The following LRRC39 variants were observed in gnomAD, a reference collection of about 807,000 sequenced individuals.
LRRC39 encodes leucine rich repeat containing 39, also known as leucine-rich repeat-containing protein 39.
Under a neutral mutation model 39.7 loss-of-function variants are expected in LRRC39, and 35 were observed. The observed-to-expected ratio is 0.88, with a 90% CI of 0.67 to 1.17. The LOEUF is 1.17. Among genes scored for constraint, LRRC39 ranks in the 50% most tolerant of loss-of-function variants. The probability of loss-of-function intolerance (pLI) is 0.00; values close to 1 mark genes in which losing one functional copy is unlikely to be tolerated. For synonymous variants in LRRC39, 113 were observed against 134.1 expected, an observed-to-expected ratio of 0.84 and a Z score of 1.09; for missense variants, 357 against 385.8, an observed-to-expected ratio of 0.93 and a Z score of 0.62.
intron 2 of LRRC39, among the ~76,000 whole-genome samples, chr1:100,169,185 C>T (rs921746098): frequency 1.3e-5 from 2 of 151,900 alleles, no homozygotes; most frequent in African/African-American, 4.8e-5. Flanking sequence ...TTAAAATAAT[C>T]GTACTGATTT....
At chr1:100,174,396 C>CA (rs1659831010) in intron 1 of LRRC39, among the ~76,000 whole-genome samples, 1 of 151,904 alleles carries the variant, frequency 6.6e-6, no homozygotes, top group African/African-American at 2.4e-5. Flanking sequence ...CTCCTGGGTT[C>CA]AAGCCATCCT....
chr1:100,176,820 AAAGT>A (rs967651328), intron 1 of LRRC39, among the ~76,000 whole-genome samples: 2 of 152,240 alleles, frequency 1.3e-5, no homozygotes, highest in Non-Finnish European at 1.5e-5. Context: ...AATCTATAAA[AAAGT>A]AAGGAAGACT....
At chr1:100,176,035 G>C (rs2045092529) in intron 1 of LRRC39, among the ~76,000 whole-genome samples, 1 of 152,210 alleles carries the variant, frequency 6.6e-6, no homozygotes, top group Non-Finnish European at 1.5e-5. Flanking sequence ...TCAAAGGTAT[G>C]TACCTAGAGG....
At chr1:100,172,377 T>C (rs1242181915) in intron 2 of LRRC39, among the ~76,000 whole-genome samples, 1 of 152,104 alleles carries the variant, frequency 6.6e-6, no homozygotes, top group African/African-American at 2.4e-5. Flanking sequence ...GCAAACCATA[T>C]CTGGCAATAT....
Position 100,168,512 on chromosome 1 carries a change from G to A in LRRC39, c.5C>T (p.Thr2Ile), listed in dbSNP as rs1481725289. The A allele has an allele frequency of 6.2e-7, 1 of 1,607,064 alleles. No homozygotes were observed. Among genetic ancestry groups the A allele is most frequent in the Admixed American group, 1.7e-5 (1 of 58,294 alleles). Residue 2 changes from threonine to isoleucine, a missense_variant, in exon 3 of 10, where the codon ACA becomes ATA. Transcript: ENST00000370137. ...AGCCCCAGTACAAACCACATTTTCT[G>A]TCATGATTTCTCCACATTGTCATAG... M[T>I]ENVVCTGAVN... is the part of the protein sequence containing the mutation.
At chr1:100,158,547 C>T (rs1658640323) in intron 5 of LRRC39, among the ~76,000 whole-genome samples, 180 bp from the exon 6 acceptor site, 1 of 152,130 alleles carries the variant, frequency 6.6e-6, no homozygotes, top group South Asian at 2.1e-4. Flanking sequence ...ACGCCATTTT[C>T]CTGCCTCAGC....
In LRRC39 at chr1:100,148,600, T is replaced by A. The variant is rs1394282745; in HGVS notation, c.*442A>T. The A allele has an allele frequency of 6.3e-7, 1 of 1,579,536 alleles. No homozygotes were observed. Among genetic ancestry groups the A allele is most frequent in the East Asian group, 2.2e-5 (1 of 44,674 alleles). Reference sequence around the variant, plus strand: ...AAACTTTTGCAAAATTTTAACAATGTTTTGTGTGTGTTTATTCAATTTAGG... The same window carrying A: ...AAACTTTTGCAAAATTTTAACAATGATTTGTGTGTGTTTATTCAATTTAGG... On this transcript the variant is annotated 3_prime_UTR_variant, in exon 10 of 10. Coordinates refer to ENST00000370137, the MANE Select transcript of LRRC39 (RefSeq NM_144620.4).
chr1:100,148,738 A>T lies in LRRC39; in HGVS notation c.*304T>A. 1 of 1,599,560 alleles carries T rather than the reference A, an allele frequency of 6.3e-7. No homozygotes were observed. The highest frequency in any genetic ancestry group is 1.1e-5 in the South Asian group (1 of 88,054). ...GGATTCAGTCCTGCTTTGCAGTACT[A>T]TACAGACCCTCTGGTGTCTTTGGAA... On this transcript the variant is annotated 3_prime_UTR_variant, in exon 10 of 10. Coordinates refer to ENST00000370137, the MANE Select transcript of LRRC39 (RefSeq NM_144620.4).
intron 1 of LRRC39, among the ~76,000 whole-genome samples, chr1:100,175,124 G>A (rs376929870): frequency 1.3e-5 from 2 of 151,386 alleles, no homozygotes; most frequent in Non-Finnish European, 2.9e-5. Flanking sequence ...CTGCAGAACC[G>A]TGAGCCAGTT....
intron 6 of LRRC39, among the ~76,000 whole-genome samples, chr1:100,157,645 T>C (rs1246419821): frequency 2.0e-5 from 3 of 152,240 alleles, no homozygotes; most frequent in Non-Finnish European, 2.9e-5. Context: ...TAAGATAAAG[T>C]GGGAGAAGGG....
At chr1:100,161,475 C>G (rs1205301535) in intron 3 of LRRC39, among the ~76,000 whole-genome samples, 1 of 152,118 alleles carries the variant, frequency 6.6e-6, no homozygotes, top group Non-Finnish European at 1.5e-5. Flanking sequence ...GGATCTACCA[C>G]ATTTTGTTTA....
chr1:100,161,904 C>T (rs1475180375), intron 3 of LRRC39, among the ~76,000 whole-genome samples: 1 of 152,180 alleles, frequency 6.6e-6, no homozygotes, highest in Non-Finnish European at 1.5e-5. Flanking sequence ...GCCTTGGCCA[C>T]CCAAAGTGCT....
chr1:100,155,215 AG>A lies in LRRC39; in HGVS notation c.660-13del. The A allele has an allele frequency of 6.4e-7, 1 of 1,567,530 alleles. No homozygotes were observed. Among genetic ancestry groups the A allele is most frequent in the African/African-American group, 1.4e-5 (1 of 72,126 alleles). The stretch of plus-strand genomic sequence containing the variant: ...GTAGATTTTGCATTCTGAAAAATTA[AG>A]GTTTCTACAATTAATTACATATAAT... On this transcript the variant is annotated splice_polypyrimidine_tract_variant and intron_variant, in intron 7 of 9. Coordinates refer to ENST00000370137, the MANE Select transcript of LRRC39 (RefSeq NM_144620.4).
In LRRC39 at chr1:100,152,253, G is replaced by A. The variant is rs1658096958; in HGVS notation, c.952+132C>T. ...TTTCTTCCCACAATATTGACTAAGA[G>A]AACAGAATTTGACAGAAAACTTAAG... On this transcript the variant is annotated intron_variant, in intron 9 of 9. Transcript: ENST00000370137. 4.2e-6 allele frequency: 4 copies of A among 953,856 alleles called. No homozygotes were observed. In the East Asian group the frequency reaches 1.0e-4, roughly 25 times the overall value. The allele number at this position is 953,856 out of a possible 1,614,324, so 59.1% of individuals were successfully genotyped here. A position where few individuals can be genotyped will look rare whatever the true frequency, so the allele number is the denominator to read the frequency against.
rs1216137465 is a variant in LRRC39 at position 100,148,663 on chromosome 1, T to G, written c.*379A>C. 1 of 1,611,738 alleles carries G rather than the reference T, an allele frequency of 6.2e-7. No homozygotes were observed. Among genetic ancestry groups the G allele is most frequent in the South Asian group, 1.1e-5 (1 of 90,192 alleles). On this transcript the variant is annotated 3_prime_UTR_variant, in exon 10 of 10. Coordinates refer to ENST00000370137, the MANE Select transcript of LRRC39 (RefSeq NM_144620.4). ...GAAGAAAAGAAGAAAATAGGGCATC[T>G]TTGTAAATTGCTGATTGACCAAGGT...
chr1:100,155,066 T>G lies in LRRC39; in HGVS notation c.797A>C (p.Glu266Ala). The change falls in exon 8 of 10, where the codon GAA (glutamate) becomes GCA (alanine). Residue 266 changes from glutamate (E) to alanine (A), a missense_variant. Transcript: ENST00000370137. ...KLQDIPVCMEEMANLRFVNFR... is the reference protein window; with the variant it reads ...KLQDIPVCMEAMANLRFVNFR... Reference sequence around the variant, plus strand: ...AACTTTTTACCTCAGATTTGCCATTTCTTCCATGCATACTGGAATATCTTG... The same window carrying G: ...AACTTTTTACCTCAGATTTGCCATTGCTTCCATGCATACTGGAATATCTTG... The G allele has an allele frequency of 1.3e-6, 2 of 1,571,352 alleles. No homozygotes were observed. The highest frequency in any genetic ancestry group is 1.7e-6 in the Non-Finnish European group (2 of 1,165,008).
In LRRC39 at chr1:100,148,558, CAA is replaced by C; in HGVS notation, c.*482_*483del. 7.0e-7 allele frequency: 1 copy of C among 1,430,382 alleles called. No homozygotes were observed. 88.6% of individuals were successfully genotyped at this position (1,430,382 alleles called of 1,614,324 possible). A position where few individuals can be genotyped will look rare whatever the true frequency, so the allele number is the denominator to read the frequency against. On this transcript the variant is annotated 3_prime_UTR_variant, in exon 10 of 10. Transcript: ENST00000370137. ...TTAACAGTCTCTCAATAAATAGTGA[CAA>C]AAATAATTTTTTATAAACTTTTGCA... is the stretch of plus-strand genomic sequence containing the variant.
intron 9 of LRRC39, chr1:100,149,590 TTATA>T: frequency 1.6e-6 from 1 of 612,264 alleles, no homozygotes; most frequent in South Asian, 2.4e-5. Context: ...AGGTCATTTT[TTATA>T]TATGTAGGCA....
intron 4 of LRRC39, 27 bp from the exon 5 acceptor site, chr1:100,159,442 G>A: frequency 6.6e-7 from 1 of 1,518,216 alleles, no homozygotes. Flanking sequence ...GATGGTTGTT[G>A]TATATTACTT....
Sources: allele counts gnomAD v4.1 joint callset (sites outside exome capture counted in the v4.1 genomes callset), GRCh38; gene constraint gnomAD v4.1.1; transcripts MANE v1.5; gene names NCBI Gene and HGNC (gene_info 2026-07-23, HGNC 2026-07-21).